CFAP47: variants seen among roughly 807,000 people sequenced by gnomAD.
CFAP47 encodes the protein cilia- and flagella-associated protein 47.
Under a neutral mutation model 148.1 loss-of-function variants are expected in CFAP47, and 29 were observed. The observed-to-expected ratio is 0.20, with a 90% CI of 0.15 to 0.27. The LOEUF (loss-of-function observed/expected upper bound fraction) is 0.27, where lower values mean the gene tolerates loss of function less well. Ranked by LOEUF, CFAP47 falls within the 10% of genes least tolerant of loss-of-function variation. The probability of loss-of-function intolerance (pLI) is 1.00; values close to 1 mark genes in which losing one functional copy is unlikely to be tolerated. For synonymous variants in CFAP47, 664 were observed against 577.3 expected (o/e 1.15, Z -2.15); for missense variants, 1,872 against 1,697.5 (o/e 1.10, Z -1.81).
chrX:36,354,433 A>G (rs1332394342), intron 60 of CFAP47, among the ~76,000 whole-genome samples: 1 of 101,303 alleles, frequency 9.9e-6, no homozygotes, highest in Non-Finnish European at 2.0e-5. Context: ...GTGAGCCGAG[A>G]TCGTGCCACT....
intron 48 of CFAP47, among the ~76,000 whole-genome samples, chrX:36,245,698 T>C (rs1940606716): frequency 9.0e-6 from 1 of 111,531 alleles, no homozygotes; most frequent in Admixed American, 9.5e-5. Context: ...CAACACAGCA[T>C]AGTACTGATG....
At chrX:36,378,700 C>T (rs1008552625) in intron 62 of CFAP47, among the ~76,000 whole-genome samples, 15 of 109,428 alleles carry the variant, frequency 1.4e-4, no homozygotes, top group African/African-American at 3.3e-4. Context: ...CCACCATGCC[C>T]GGCTAATTTT....
At chrX:36,304,272 C>T (rs1393180466) in intron 54 of CFAP47, among the ~76,000 whole-genome samples, 1 of 109,072 alleles carries the variant, frequency 9.2e-6, no homozygotes, top group Non-Finnish European at 1.9e-5. Context: ...ATCCCAGCTA[C>T]TCGGGAGGCT....
chrX:35,986,252 T>C (rs1344303057), intron 15 of CFAP47, among the ~76,000 whole-genome samples: 1 of 110,876 alleles, frequency 9.0e-6, no homozygotes, highest in African/African-American at 3.3e-5. Flanking sequence ...CAATCAAATG[T>C]AGGTTTGGTC....
intron 2 of CFAP47, among the ~76,000 whole-genome samples, chrX:35,935,247 C>G (rs1052408302): frequency 8.9e-6 from 1 of 112,410 alleles, no homozygotes; most frequent in African/African-American, 3.2e-5. Context: ...GTCGTGACCA[C>G]TGGGATAGGT....
chrX:36,105,335 A>G (rs1938448434), intron 33 of CFAP47, among the ~76,000 whole-genome samples: 2 of 111,899 alleles, frequency 1.8e-5, no homozygotes, highest in Non-Finnish European at 3.8e-5. Flanking sequence ...GCGCATGGCC[A>G]TTGTTCCTTT....
chrX:36,102,323 A>G (rs1311991357), intron 32 of CFAP47, among the ~76,000 whole-genome samples: 1 of 111,598 alleles, frequency 9.0e-6, no homozygotes, highest in Non-Finnish European at 1.9e-5. Flanking sequence ...TAATGGATAA[A>G]TAGTAACACT....
At chrX:36,027,223 G>A (rs918156704) in intron 22 of CFAP47, among the ~76,000 whole-genome samples, 1 of 106,780 alleles carries the variant, frequency 9.4e-6, no homozygotes, top group African/African-American at 3.4e-5. Flanking sequence ...GGATACAAAT[G>A]CAGATGTCTT....
At chrX:36,155,916 C>T (rs990748597) in intron 37 of CFAP47, among the ~76,000 whole-genome samples, 4 of 110,571 alleles carry the variant, frequency 3.6e-5, no homozygotes, top group East Asian at 2.8e-4. Context: ...AAATACATAC[C>T]GAAGATATAA....
At chrX:35,946,126 G>A (rs6632416) in intron 3 of CFAP47, among the ~76,000 whole-genome samples, 18,612 of 109,705 alleles carry the variant, frequency 0.17, 1,249 homozygotes, top group East Asian at 0.25. Flanking sequence ...TCCCACCTCC[G>A]TCTTCCAAAT....
chrX:36,285,615 G>T lies in CFAP47; in HGVS notation c.7589-14G>T. ...TGAAGTCTATATTAAAAAGTGTTTT[G>T]TTTTGTTTTTCAGATGGTAATTTTA... On this transcript the variant is annotated splice_polypyrimidine_tract_variant and intron_variant, in intron 50 of 63. Coordinates refer to ENST00000378653, the MANE Select transcript of CFAP47 (RefSeq NM_001304548.2). 2 of 734,349 alleles carry T rather than the reference G, an allele frequency of 2.7e-6. No homozygotes were observed. The highest frequency in any genetic ancestry group is 4.2e-6 in the Non-Finnish European group (2 of 481,558). 60.5% of individuals were successfully genotyped at this position (734,349 alleles called of 1,213,427 possible). A position where few individuals can be genotyped will look rare whatever the true frequency, so the allele number is the denominator to read the frequency against.
chrX:36,284,519 T>C (rs1416102518), intron 50 of CFAP47, among the ~76,000 whole-genome samples: 1 of 111,443 alleles, frequency 9.0e-6, no homozygotes, highest in Non-Finnish European at 1.9e-5. Context: ...AAATACAATG[T>C]CATGCAATAC....
At chrX:36,077,612 T>G (rs1280939740) in intron 29 of CFAP47, among the ~76,000 whole-genome samples, 1 of 111,190 alleles carries the variant, frequency 9.0e-6, no homozygotes, top group African/African-American at 3.3e-5. Context: ...TTTCATACAT[T>G]GATTTTGTAT....
chrX:36,334,480 T>G (rs1180652247), intron 57 of CFAP47, among the ~76,000 whole-genome samples: 3 of 111,733 alleles, frequency 2.7e-5, no homozygotes, highest in Non-Finnish European at 5.7e-5. Context: ...TTTACTTGTA[T>G]TAAAAATTAA....
In CFAP47 at chrX:36,148,901, ATG is replaced by A. The variant is rs60968920; in HGVS notation, c.5671-171_5671-170del. 6.6e-3 allele frequency among the ~76,000 whole-genome samples: 604 copies of A among 91,882 alleles called. 2 individuals carry two copies. The highest frequency in any genetic ancestry group is 6.8e-3 in the Non-Finnish European group (312 of 45,803). 79.8% of individuals were successfully genotyped at this position (91,882 alleles called of 115,157 possible). A position where few individuals can be genotyped will look rare whatever the true frequency, so the allele number is the denominator to read the frequency against. ...TGCCCACTTCAGCTAAACTGTATGTATGTGTGTGTGTGTGTGTGTGTGTGTGT... is the reference window on the plus strand; with the variant it reads ...TGCCCACTTCAGCTAAACTGTATGTATGTGTGTGTGTGTGTGTGTGTGTGT... On this transcript the variant is annotated intron_variant, in intron 36 of 63. Transcript: ENST00000378653.
At chrX:36,107,735 C>A (rs897603244) in intron 33 of CFAP47, among the ~76,000 whole-genome samples, 2 of 111,585 alleles carry the variant, frequency 1.8e-5, no homozygotes, top group Admixed American at 1.9e-4. Context: ...TATACATTCT[C>A]TCTTCTCCTC....
Position 36,104,806 on chromosome X carries a change from A to G in CFAP47, c.5320+115A>G, listed in dbSNP as rs1053883523. On this transcript the variant is annotated intron_variant, in intron 33 of 63. Coordinates refer to ENST00000378653, the MANE Select transcript of CFAP47 (RefSeq NM_001304548.2). ...TCCATGGATTCTAGACCCCTCTCCA[A>G]CATTTACTTTCTGTTCTACAAAAAT... The G allele has an allele frequency of 5.9e-5, 19 of 320,427 alleles. 1 individual carries two copies. The Admixed American group carries it at 9.8e-4, about 17-fold the overall frequency. 26.4% of individuals were successfully genotyped at this position (320,427 alleles called of 1,213,427 possible).
At chrX:36,219,000 T>C (rs185381863) in intron 45 of CFAP47, among the ~76,000 whole-genome samples, 1 of 111,568 alleles carries the variant, frequency 9.0e-6, no homozygotes, top group East Asian at 2.9e-4. Flanking sequence ...GTTATGTAGA[T>C]GAAGCCTCCG....
chrX:35,994,248 C>T lies in CFAP47; in HGVS notation c.3099+927C>T, dbSNP rs761117624. Among the ~76,000 whole-genome samples, 24 of 109,543 alleles carry T rather than the reference C, an allele frequency of 2.2e-4. 1 individual carries two copies. The South Asian group carries it at 2.4e-3, about 11-fold the overall frequency. ...CTGCACTCCAGCCTGGGCAACAGAG[C>T]GAGACTCCGTCTCAAAAAAAAAAAG... is the stretch of plus-strand genomic sequence containing the variant. On this transcript the variant is annotated intron_variant, in intron 18 of 63. Transcript: ENST00000378653.
Sources: gnomAD v4.1 joint callset for allele counts (sites outside exome capture counted in the v4.1 genomes callset) on GRCh38, gnomAD v4.1.1 for gene constraint, MANE v1.5 for transcripts, NCBI Gene and HGNC (gene_info 2026-07-23, HGNC 2026-07-21) for gene names.